The following THEMIS variants were observed in gnomAD, a reference collection of about 807,000 sequenced individuals.
THEMIS encodes the protein thymocyte selection associated, also known as protein THEMIS.
A neutral mutation model predicts 52.6 loss-of-function variants in THEMIS; 37 were observed. That is an observed-to-expected ratio of 0.70 (90% CI 0.54 to 0.93). THEMIS has a LOEUF of 0.93. Among genes scored for constraint, THEMIS ranks in the 40% least tolerant of loss-of-function variants. THEMIS has a pLI of 0.00. For synonymous variants in THEMIS, 292 were observed against 272.7 expected, an observed-to-expected ratio of 1.07 and a Z score of -0.70; for missense variants, 808 against 763.1, an observed-to-expected ratio of 1.06 and a Z score of -0.69.
chr6:127,796,223 G>C (rs1777326355), intron 4 of THEMIS, among the ~76,000 whole-genome samples: 1 of 151,992 alleles, frequency 6.6e-6, no homozygotes, highest in Non-Finnish European at 1.5e-5. Context: ...GTTGATCCTG[G>C]GTAGAAAAGC....
At chr6:127,775,833 T>G (rs1030724694) in intron 4 of THEMIS, among the ~76,000 whole-genome samples, 2 of 152,184 alleles carry the variant, frequency 1.3e-5, no homozygotes, top group Admixed American at 1.3e-4. Context: ...CTCTCTCTTT[T>G]TAATCATTTA....
At position 127,731,823 on chromosome 6, in the gene THEMIS, G is replaced by A. The variant is rs1278775416; in HGVS notation, c.1759-12000C>T. ...AGCGATTCTCCTGCCTCAGGTTCCC[G>A]AGTAGCTGGGATTACAGGTGCATGC... On this transcript the variant is annotated intron_variant, in intron 4 of 5. Coordinates refer to ENST00000368248, the MANE Select transcript of THEMIS (RefSeq NM_001010923.3). Among the ~76,000 whole-genome samples, 4 of 139,996 alleles carry A rather than the reference G, an allele frequency of 2.9e-5. No individual in the cohort carries two copies. The East Asian group carries it at 6.6e-4, about 23-fold the overall frequency. The allele number at this position is 139,996 out of a possible 152,430, so 91.8% of individuals were successfully genotyped here.
At chr6:127,712,299 T>C (rs1457934446) in intron 5 of THEMIS, among the ~76,000 whole-genome samples, 2 of 151,956 alleles carry the variant, frequency 1.3e-5, no homozygotes, top group East Asian at 1.9e-4. Context: ...TCACCCTGCC[T>C]GATCTAACCC....
chr6:127,769,030 G>A (rs1158981814), intron 4 of THEMIS, among the ~76,000 whole-genome samples: 3 of 152,082 alleles, frequency 2.0e-5, no homozygotes, highest in Non-Finnish European at 4.4e-5. Context: ...TGTTCATTTC[G>A]TATTTACTTT....
At chr6:127,756,287 T>C (rs1223462522) in intron 4 of THEMIS, among the ~76,000 whole-genome samples, 1 of 152,208 alleles carries the variant, frequency 6.6e-6, no homozygotes, top group Non-Finnish European at 1.5e-5. Flanking sequence ...AATTTTACTA[T>C]ACCTAATGTC....
At chr6:127,795,634 C>CT (rs905006859) in intron 4 of THEMIS, among the ~76,000 whole-genome samples, 64 of 152,122 alleles carry the variant, frequency 4.2e-4, no homozygotes, top group Admixed American at 2.5e-3. Flanking sequence ...GGCCACCAGA[C>CT]TTTTTTTAGA....
chr6:127,839,768 C>G (rs1013429671), intron 2 of THEMIS, among the ~76,000 whole-genome samples: 1 of 152,042 alleles, frequency 6.6e-6, no homozygotes, highest in Non-Finnish European at 1.5e-5. Flanking sequence ...AAAACAAACA[C>G]CCTTATAAGA....
chr6:127,751,224 CG>C (rs907609471), intron 4 of THEMIS, among the ~76,000 whole-genome samples: 12 of 151,598 alleles, frequency 7.9e-5, no homozygotes, highest in African/African-American at 2.7e-4. Flanking sequence ...AAATGTGTGT[CG>C]GGGGAAGAAG....
intron 4 of THEMIS, among the ~76,000 whole-genome samples, chr6:127,784,229 C>G (rs1776845798): frequency 6.6e-6 from 1 of 151,832 alleles, no homozygotes; most frequent in African/African-American, 2.4e-5. Context: ...CACACCAGGG[C>G]CTGTTGGTGA....
In THEMIS at chr6:127,729,180, C is replaced by A. The variant is rs1255734922; in HGVS notation, c.1759-9357G>T. Among the ~76,000 whole-genome samples the A allele has an allele frequency of 9.6e-5, 6 of 62,438 alleles. No homozygotes were observed. The East Asian group carries it at 1.1e-3, about 12-fold the overall frequency. The allele number at this position is 62,438 out of a possible 152,430, so 41.0% of individuals were successfully genotyped here. On this transcript the variant is annotated intron_variant, in intron 4 of 5. Coordinates refer to ENST00000368248, the MANE Select transcript of THEMIS (RefSeq NM_001010923.3). Reference sequence around the variant, plus strand: ...TCTCTCTCTCTCTCTCTCTCTCTCTCTCTCTCTCTCTCTCTCTCTCTCTTC... The same window carrying A: ...TCTCTCTCTCTCTCTCTCTCTCTCTATCTCTCTCTCTCTCTCTCTCTCTTC...
intron 4 of THEMIS, among the ~76,000 whole-genome samples, chr6:127,752,215 G>T (rs1208654025): frequency 1.3e-5 from 2 of 151,356 alleles, no homozygotes; most frequent in African/African-American, 4.8e-5. Context: ...AAAAGAGAAA[G>T]ATTTGCATAT....
intron 4 of THEMIS, among the ~76,000 whole-genome samples, chr6:127,778,910 G>A (rs146084081): frequency 1.3e-5 from 2 of 151,400 alleles, no homozygotes; most frequent in African/African-American, 4.8e-5. Flanking sequence ...GCTTGAACCC[G>A]GGTTTTCATT....
At chr6:127,767,255 C>T (rs964913324) in intron 4 of THEMIS, among the ~76,000 whole-genome samples, 4 of 151,878 alleles carry the variant, frequency 2.6e-5, no homozygotes, top group Non-Finnish European at 5.9e-5. Flanking sequence ...TCACACTCAG[C>T]TAATTTTTTG....
intron 1 of THEMIS, among the ~76,000 whole-genome samples, chr6:127,907,378 A>C (rs986252983): frequency 1.5e-5 from 1 of 68,900 alleles, no homozygotes; most frequent in Non-Finnish European, 3.0e-5. Context: ...CATGAGCGAC[A>C]TTTCAGGGAT....
At chr6:127,734,291 C>A (rs1006210477) in intron 4 of THEMIS, among the ~76,000 whole-genome samples, 1 of 152,068 alleles carries the variant, frequency 6.6e-6, no homozygotes, top group Non-Finnish European at 1.5e-5. Flanking sequence ...ATAATCCCTA[C>A]ATTTTAGAGT....
At chr6:127,747,198 C>CA (rs1217774649) in intron 4 of THEMIS, among the ~76,000 whole-genome samples, 22 of 127,548 alleles carry the variant, frequency 1.7e-4, no homozygotes, top group African/African-American at 5.8e-4. Context: ...TTACAGATAT[C>CA]TATCATATCT....
chr6:127,730,380 G>A (rs1292141879), intron 4 of THEMIS, among the ~76,000 whole-genome samples: 1 of 138,604 alleles, frequency 7.2e-6, no homozygotes, highest in African/African-American at 2.6e-5. Flanking sequence ...AGAAGAGAAA[G>A]AGAAAGAAAG....
At chr6:127,839,380 C>T (rs930300297) in intron 2 of THEMIS, among the ~76,000 whole-genome samples, 4 of 151,964 alleles carry the variant, frequency 2.6e-5, no homozygotes, top group Non-Finnish European at 5.9e-5. Flanking sequence ...CCTTTATGTA[C>T]ATACAGTTGT....
At chr6:127,861,977 T>A (rs1779818782) in intron 1 of THEMIS, among the ~76,000 whole-genome samples, 1 of 152,080 alleles carries the variant, frequency 6.6e-6, no homozygotes, top group South Asian at 2.1e-4. Context: ...TACTAATTCA[T>A]GATGGATCAG....
Sources: gnomAD v4.1 joint callset for allele counts (sites outside exome capture counted in the v4.1 genomes callset) on GRCh38, gnomAD v4.1.1 for gene constraint, MANE v1.5 for transcripts, NCBI Gene and HGNC (gene_info 2026-07-23, HGNC 2026-07-21) for gene names.